The following XRCC5 variants were observed in gnomAD, a reference collection of about 807,000 sequenced individuals.
XRCC5 encodes the protein X-ray repair cross complementing 5, also known as DNA repair protein Ku80.
XRCC5 carries 12 observed loss-of-function variants against 95.7 expected under a neutral mutation model. That is an observed-to-expected ratio of 0.13 (90% CI 0.08 to 0.20). The LOEUF (loss-of-function observed/expected upper bound fraction) is 0.20, where lower values mean the gene tolerates loss of function less well. Ranked by LOEUF, XRCC5 falls within the 10% of genes least tolerant of loss-of-function variation. XRCC5 has a pLI of 1.00. For missense variants in XRCC5, 595 were observed against 873.9 expected (o/e 0.68, Z 4.02); for synonymous variants, 281 against 290.3 (o/e 0.97, Z 0.33).
At chr2:216,121,944 G>T (rs1052933958) in intron 5 of XRCC5, 118 bp from the exon 6 acceptor site, 10 of 934,520 alleles carry the variant, frequency 1.1e-5, no homozygotes, top group Non-Finnish European at 1.5e-5. Context: ...GGTAAGAGTC[G>T]TTTGACAGAT....
intron 1 of XRCC5, among the ~76,000 whole-genome samples, chr2:216,110,970 CTT>C (rs1696581822): frequency 6.6e-6 from 1 of 151,866 alleles, no homozygotes; most frequent in African/African-American, 2.4e-5. Context: ...GAAAAATAAT[CTT>C]TTCTTTTCAT....
At position 216,167,606 on chromosome 2, in the gene XRCC5, G is replaced by T. The variant is rs1251043387; in HGVS notation, c.1834+5558G>T. Among the ~76,000 whole-genome samples the T allele has an allele frequency of 5.0e-3, 554 of 111,868 alleles. 3 individuals are homozygous for T. Among genetic ancestry groups the T allele is most frequent in the Non-Finnish European group, 8.1e-3 (440 of 54,232 alleles). 73.4% of individuals were successfully genotyped at this position (111,868 alleles called of 152,430 possible). ...TGTGTGTGTGTGTGTGTGTGTGTGT[G>T]TGTGTGTGATTTTTTTTAATTGATC... On this transcript the variant is annotated intron_variant, in intron 16 of 20. Coordinates refer to ENST00000392132, the MANE Select transcript of XRCC5 (RefSeq NM_021141.4).
At chr2:216,109,514 G>C (rs1696545670) in intron 1 of XRCC5, 57 bp downstream of exon 1, 11 of 1,608,624 alleles carry the variant, frequency 6.8e-6, no homozygotes, top group Admixed American at 1.7e-5. Flanking sequence ...GGAGAGGGTG[G>C]TTCGGAAGCA....
Position 216,160,108 on chromosome 2 carries a change from C to T in XRCC5, c.1711C>T (p.Gln571Ter). The T allele has an allele frequency of 6.2e-7, 1 of 1,607,748 alleles. No individual in the cohort carries two copies. Among genetic ancestry groups the T allele is most frequent in the Non-Finnish European group, 8.5e-7 (1 of 1,176,768 alleles). Residue 571 changes from glutamine (Q) to a stop codon, truncating the protein, a stop_gained, in exon 15 of 21, where the codon CAA (glutamine) becomes TAA (stop). Transcript: ENST00000392132. LOFTEE classifies it high-confidence loss of function. The part of the protein sequence containing the change: ...GPTAKKLKTE[Q>*]GGAHFSVSSL... Reference sequence around the variant, plus strand: ...TACAGCTAAAAAATTAAAGACTGAGCAAGGGGGAGCCCACTTCAGCGTCTC... The same window carrying T: ...TACAGCTAAAAAATTAAAGACTGAGTAAGGGGGAGCCCACTTCAGCGTCTC...
chr2:216,115,093 C>T (rs868825403), intron 2 of XRCC5, among the ~76,000 whole-genome samples: 2 of 152,222 alleles, frequency 1.3e-5, no homozygotes, highest in Non-Finnish European at 1.5e-5. Flanking sequence ...CAAGTGTACT[C>T]TGCTTTCTCC....
At chr2:216,118,623 A>G (rs1033391094) in intron 4 of XRCC5, among the ~76,000 whole-genome samples, 20 of 152,168 alleles carry the variant, frequency 1.3e-4, no homozygotes, top group African/African-American at 1.9e-4. Context: ...TCATTTCTCA[A>G]TCTCTGTACA....
chr2:216,146,755 C>T (rs145322023), intron 13 of XRCC5, among the ~76,000 whole-genome samples: 10 of 152,288 alleles, frequency 6.6e-5, no homozygotes, highest in African/African-American at 2.4e-4. Context: ...CTGTGTAGAA[C>T]TTCACTCACA....
At chr2:216,157,936 A>T (rs748612179) in intron 14 of XRCC5, among the ~76,000 whole-genome samples, 1 of 152,358 alleles carries the variant, frequency 6.6e-6, no homozygotes, top group South Asian at 2.1e-4. Context: ...CATAGAGATT[A>T]TGAATTTAGT....
chr2:216,162,344 C>T (rs932644808), intron 16 of XRCC5, among the ~76,000 whole-genome samples: 13 of 152,012 alleles, frequency 8.6e-5, no homozygotes, highest in Non-Finnish European at 1.5e-4. Flanking sequence ...AGGATTTTGT[C>T]GTGAGCTATA....
chr2:216,160,601 G>A (rs971115067), intron 15 of XRCC5, among the ~76,000 whole-genome samples: 47 of 152,010 alleles, frequency 3.1e-4, no homozygotes, highest in Admixed American at 3.0e-3. Context: ...CCCCAAGAAT[G>A]TATCCTTTGA....
At chr2:216,136,356 CAAAAAAAAA>C (rs767749732) in intron 10 of XRCC5, among the ~76,000 whole-genome samples, 10 of 34,144 alleles carry the variant, frequency 2.9e-4, no homozygotes, top group Admixed American at 1.8e-3. Context: ...AACTGTGTCT[CAAAAAAAAA>C]AAAAAAGAAA....
intron 16 of XRCC5, among the ~76,000 whole-genome samples, chr2:216,187,007 G>A (rs903591220): frequency 2.6e-5 from 4 of 152,160 alleles, no homozygotes; most frequent in East Asian, 3.8e-4. Context: ...ATATTCAAGC[G>A]TCATCCATCA....
intron 16 of XRCC5, among the ~76,000 whole-genome samples, chr2:216,179,290 C>T (rs890638615): frequency 6.6e-6 from 1 of 152,160 alleles, no homozygotes; most frequent in Non-Finnish European, 1.5e-5. Context: ...CCAAGTTTGC[C>T]TCTTCTTATA....
chr2:216,152,815 G>C (rs1240815593), intron 14 of XRCC5, among the ~76,000 whole-genome samples: 2 of 151,774 alleles, frequency 1.3e-5, no homozygotes, highest in East Asian at 3.9e-4. Flanking sequence ...CGCCGGCTAA[G>C]TTTTTTATAT....
intron 2 of XRCC5, among the ~76,000 whole-genome samples, chr2:216,114,301 T>G (rs549776489): frequency 2.6e-5 from 4 of 152,146 alleles, no homozygotes; most frequent in Non-Finnish European, 5.9e-5. Context: ...TTCTGTTTCT[T>G]CTGTGTGTTT....
chr2:216,129,731 T>C (rs574519175), intron 8 of XRCC5, among the ~76,000 whole-genome samples: 143 of 152,308 alleles, frequency 9.4e-4, no homozygotes, highest in Non-Finnish European at 1.7e-3. Flanking sequence ...TGGAGTACAG[T>C]GGTGTGATCT....
At chr2:216,115,643 G>T (rs891372933) in intron 2 of XRCC5, among the ~76,000 whole-genome samples, 2 of 150,104 alleles carry the variant, frequency 1.3e-5, no homozygotes, top group Non-Finnish European at 2.9e-5. Flanking sequence ...AATGTAAAAA[G>T]GCTTATGTTA....
chr2:216,141,247 G>A lies in XRCC5; in HGVS notation c.1404G>A (p.Glu468=), dbSNP rs1293441860. Residue 468 remains glutamate, a synonymous_variant, in exon 13 of 21, where the codon GAG becomes GAA. Transcript: ENST00000392132. Reference sequence around the variant, plus strand: ...CCATGAGCTTGGCAAAGAAAGATGAGAAGACAGACACCCTTGAAGACTTGT... The same window carrying A: ...CCATGAGCTTGGCAAAGAAAGATGAAAAGACAGACACCCTTGAAGACTTGT... ...IDSMSLAKKD[E]KTDTLEDLFP... is the part of the protein sequence containing the mutation. 2 of 1,614,126 alleles carry A rather than the reference G, an allele frequency of 1.2e-6. No homozygotes were observed. The highest frequency in any genetic ancestry group is 8.5e-7 in the Non-Finnish European group (1 of 1,179,982).
intron 16 of XRCC5, among the ~76,000 whole-genome samples, chr2:216,181,911 G>A (rs1205363540): frequency 6.6e-6 from 1 of 152,102 alleles, no homozygotes; most frequent in East Asian, 1.9e-4. Context: ...AAATTAGAAA[G>A]GATAGAGGGG....
Sources: allele counts gnomAD v4.1 joint callset (sites outside exome capture counted in the v4.1 genomes callset), GRCh38; gene constraint gnomAD v4.1.1; transcripts MANE v1.5; gene names NCBI Gene and HGNC (gene_info 2026-07-23, HGNC 2026-07-21).